Variants in RGPD4 observed in about 807,000 individuals in gnomAD.
RGPD4 encodes the protein RANBP2 like and GRIP domain containing 4.
In RGPD4, 84 loss-of-function variants were observed where a neutral mutation model predicts 141.1. The ratio of observed to expected loss-of-function variants is 0.60; its 90% CI spans 0.50 to 0.71. RGPD4 has a LOEUF of 0.71. Ranked by LOEUF, RGPD4 falls within the 30% of genes least tolerant of loss-of-function variation. The pLI is 0.00. For missense variants in RGPD4, 918 were observed against 1,622.4 expected (o/e 0.57, Z 7.46); for synonymous variants, 298 against 566.8 (o/e 0.53, Z 6.74).
intron 11 of RGPD4, 60 bp from the exon 12 acceptor site, chr2:107,859,662 T>G: frequency 6.2e-7 from 1 of 1,611,202 alleles, no homozygotes; most frequent in Admixed American, 1.7e-5. Flanking sequence ...AACATATATG[T>G]ATGTAAGCGC....
chr2:107,876,300 CAGAT>C (rs1163461960), intron 20 of RGPD4, among the ~76,000 whole-genome samples: 14 of 151,098 alleles, frequency 9.3e-5, no homozygotes, highest in Non-Finnish European at 1.6e-4. Flanking sequence ...GATTCTCCCT[CAGAT>C]AGTCTCGGTC....
intron 6 of RGPD4, among the ~76,000 whole-genome samples, chr2:107,847,005 G>A (rs1053870400): frequency 5.9e-5 from 9 of 151,672 alleles, no homozygotes; most frequent in Admixed American, 1.3e-4. Context: ...ACTTTGGGAG[G>A]CCAAGGCGGG....
intron 20 of RGPD4, 88 bp from the exon 21 acceptor site, chr2:107,879,880 A>C: frequency 6.7e-7 from 1 of 1,487,444 alleles, no homozygotes; most frequent in Non-Finnish European, 9.1e-7. Flanking sequence ...TCACATAGTA[A>C]GATATTTATA....
At chr2:107,861,953 TAAA>T (rs1411637176) in intron 15 of RGPD4, among the ~76,000 whole-genome samples, 1 of 119,758 alleles carries the variant, frequency 8.4e-6, no homozygotes, top group Non-Finnish European at 1.7e-5. Flanking sequence ...TATATGCTCT[TAAA>T]AAGTACTTCT....
intron 1 of RGPD4, 145 bp from the exon 2 acceptor site, chr2:107,836,457 G>A (rs922073330): frequency 1.7e-6 from 1 of 598,044 alleles, no homozygotes; most frequent in Non-Finnish European, 2.7e-6. Context: ...ATGGAATTAT[G>A]CATTTGTCAG....
rs78731162 is a variant in RGPD4 at position 107,827,723 on chromosome 2, G to T, written c.72+638G>T. 1.1e-4 allele frequency among the ~76,000 whole-genome samples: 6 copies of T among 54,522 alleles called. 1 individual carries two copies. Among genetic ancestry groups the T allele is most frequent in the Non-Finnish European group, 1.9e-4 (5 of 26,926 alleles). The allele number at this position is 54,522 out of a possible 152,430, so 35.8% of individuals were successfully genotyped here. A position where few individuals can be genotyped will look rare whatever the true frequency, so the allele number is the denominator to read the frequency against. On this transcript the variant is annotated intron_variant, in intron 1 of 22. Transcript: ENST00000408999. ...GGCGGCCTGGACCTGGCCCGGCGGC[G>T]GCCTCGATGGCTCAGGCGTCATGGC...
chr2:107,845,490 A>T (rs1681892561), intron 6 of RGPD4, among the ~76,000 whole-genome samples: 1 of 150,132 alleles, frequency 6.7e-6, no homozygotes, highest in African/African-American at 2.5e-5. Flanking sequence ...AATCTGGACC[A>T]TGAGGGGTTA....
In RGPD4 at chr2:107,879,931, G is replaced by A. The variant is rs200011420; in HGVS notation, c.4925-37G>A. The A allele has an allele frequency of 3.2e-3, 5,144 of 1,609,692 alleles. 9 individuals carry two copies. Among genetic ancestry groups the A allele is most frequent in the Non-Finnish European group, 3.9e-3 (4,637 of 1,178,962 alleles). ...TTTAGAATCTTCATCTGTAATGTAT[G>A]ATTTTGAAAATTAATTCTTGGAACA... On this transcript the variant is annotated intron_variant, in intron 20 of 22. Transcript: ENST00000408999.
Position 107,872,779 on chromosome 2 carries a change from G to A in RGPD4, c.4775G>A (p.Gly1592Glu). 1 of 1,611,172 alleles carries A rather than the reference G, an allele frequency of 6.2e-7. No homozygotes were observed. Among genetic ancestry groups the A allele is most frequent in the Non-Finnish European group, 8.5e-7 (1 of 1,179,802 alleles). ...GAAACTAGTTCAGTAGCCCAGAGTG[G>A]ATCTGAAAGCAAAGTGGAACCTAAA... ...NSETSSVAQS[G>E]SESKVEPKKC... Residue 1592 changes from glycine (G) to glutamate (E), a missense_variant, in exon 20 of 23, where the codon GGA (glycine) becomes GAA (glutamate). By Grantham distance (98) the Gly-to-Glu change is moderately conservative. Transcript: ENST00000408999.
chr2:107,854,707 T>C (rs1048392124), intron 8 of RGPD4, 64 bp downstream of exon 8: 1 of 1,571,036 alleles, frequency 6.4e-7, no homozygotes, highest in Admixed American at 1.8e-5. Flanking sequence ...AGGCATATCT[T>C]ATGATAAAAT....
At position 107,870,868 on chromosome 2, in the gene RGPD4, A is replaced by G. The variant is rs1197164574; in HGVS notation, c.2864A>G (p.Gln955Arg). 14 of 1,610,592 alleles carry G rather than the reference A, an allele frequency of 8.7e-6. No homozygotes were observed. Among genetic ancestry groups the G allele is most frequent in the East Asian group, 2.2e-5 (1 of 44,868 alleles). Residue 955 changes from glutamine (Q) to arginine (R), a missense_variant, in exon 20 of 23, where the codon CAG (glutamine) becomes CGG (arginine). Gln to Arg is a conservative substitution (Grantham distance 43, BLOSUM62 1). Coordinates refer to ENST00000408999, the MANE Select transcript of RGPD4 (RefSeq NM_182588.3). ...TGFQAQDISG[Q>R]KNGRGVIFGQ... ...TTCCAGGCTCAGGATATTAGTGGCC[A>G]GAAGAATGGCCGTGGTGTGATTTTT...
At chr2:107,837,188 C>CT (rs71225100) in intron 2 of RGPD4, among the ~76,000 whole-genome samples, 173 of 41,892 alleles carry the variant, frequency 4.1e-3, no homozygotes, top group East Asian at 0.017. Flanking sequence ...GGGAGGCAGG[C>CT]TTTTTTTTTT....
intron 20 of RGPD4, among the ~76,000 whole-genome samples, chr2:107,876,927 A>C (rs2104508993): frequency 2.0e-5 from 3 of 152,322 alleles, no homozygotes; most frequent in Middle Eastern, 6.8e-3. Context: ...AATTTAATGA[A>C]ATGCAAAATA....
rs563681173 is a variant in RGPD4, at chr2:107,890,855, T to C, written c.*124T>C. On this transcript the variant is annotated 3_prime_UTR_variant, in exon 23 of 23. Transcript: ENST00000408999. ...TATTTACAAAAATGGTTCATGTGTA[T>C]TACCATCATTCTTTTGTCAAAAAGT... 10,587 of 1,176,430 alleles carry C rather than the reference T, an allele frequency of 9.0e-3. 662 individuals carry two copies. In the African/African-American group the frequency reaches 0.14, roughly 16 times the overall value. The allele number at this position is 1,176,430 out of a possible 1,614,324, so 72.9% of individuals were successfully genotyped here.
At position 107,859,620 on chromosome 2, in the gene RGPD4, A is replaced by G. The variant is rs3872488; in HGVS notation, c.1634+66A>G. 6.6e-3 allele frequency: 10,584 copies of G among 1,609,516 alleles called. 380 individuals are homozygous for G. In the African/African-American group the frequency reaches 0.069, roughly 10 times the overall value. On this transcript the variant is annotated intron_variant, in intron 11 of 22. Transcript: ENST00000408999. ...AGGTTTTACCAGGGATTTAATCCTC[A>G]TGTGAAGATTTAATTTGTCATGTGA... is the stretch of plus-strand genomic sequence containing the variant.
rs1331548781 is a variant in RGPD4 at position 107,844,839 on chromosome 2, T to TG, written c.782+1109_782+1110insG. ...TCTTTCTTTCTTTTTTGTTTTTTTT[T>TG]TTTTTTTTTTTTTTTGAGAGGGAGT... On this transcript the variant is annotated intron_variant, in intron 6 of 22. Coordinates refer to ENST00000408999, the MANE Select transcript of RGPD4 (RefSeq NM_182588.3). Among the ~76,000 whole-genome samples the TG allele has an allele frequency of 1.8e-4, 17 of 94,362 alleles. 2 individuals are homozygous for TG. Among genetic ancestry groups the TG allele is most frequent in the African/African-American group, 5.4e-4 (13 of 23,856 alleles). The allele number at this position is 94,362 out of a possible 152,430, so 61.9% of individuals were successfully genotyped here.
intron 22 of RGPD4, among the ~76,000 whole-genome samples, chr2:107,883,808 AC>A (rs1293840537): frequency 6.6e-6 from 1 of 152,002 alleles, no homozygotes; most frequent in East Asian, 1.9e-4. Flanking sequence ...GTTTTAAATT[AC>A]TTTTATTTTT....
At chr2:107,831,545 T>G (rs1187416894) in intron 1 of RGPD4, among the ~76,000 whole-genome samples, 1 of 147,040 alleles carries the variant, frequency 6.8e-6, no homozygotes, top group Non-Finnish European at 1.5e-5. Context: ...TTTCTCCCAT[T>G]TTAGACATTT....
intron 20 of RGPD4, 113 bp from the exon 21 acceptor site, chr2:107,879,855 C>T: frequency 7.5e-7 from 1 of 1,340,466 alleles, no homozygotes; most frequent in Non-Finnish European, 1.0e-6. Flanking sequence ...GCAAAGAAAG[C>T]AGACCTATAA....
Sources: allele counts gnomAD v4.1 joint callset (sites outside exome capture counted in the v4.1 genomes callset), GRCh38; gene constraint gnomAD v4.1.1; transcripts MANE v1.5; gene names NCBI Gene and HGNC (gene_info 2026-07-23, HGNC 2026-07-21).